Variants in SLMAP observed in about 807,000 individuals in gnomAD.
The protein encoded by SLMAP is sarcolemmal membrane-associated protein.
Under a neutral mutation model 128.8 loss-of-function variants are expected in SLMAP, and 44 were observed. The ratio of observed to expected loss-of-function variants is 0.34; its 90% CI spans 0.27 to 0.44. The LOEUF (loss-of-function observed/expected upper bound fraction) is 0.44. Among genes scored for constraint, SLMAP ranks in the 20% least tolerant of loss-of-function variants. The pLI is 1.00. For missense variants in SLMAP, 787 were observed against 985.3 expected (o/e 0.80, Z 2.69); for synonymous variants, 327 against 348.8 (o/e 0.94, Z 0.70).
At chr3:57,766,016 TGA>T in intron 2 of SLMAP, among the ~76,000 whole-genome samples, 1 of 150,486 alleles carries the variant, frequency 6.6e-6, no homozygotes, top group African/African-American at 2.4e-5. Flanking sequence ...TTTTTTTTTT[TGA>T]GACGGAGTCT....
At chr3:57,768,223 G>GT (rs1422144780) in intron 2 of SLMAP, among the ~76,000 whole-genome samples, 1 of 152,134 alleles carries the variant, frequency 6.6e-6, no homozygotes, top group African/African-American at 2.4e-5. Flanking sequence ...CTTTTGTCAA[G>GT]TATACAATTT....
At chr3:57,906,332 T>TTTTTTC (rs1491216777) in intron 17 of SLMAP, among the ~76,000 whole-genome samples, 1 of 136,954 alleles carries the variant, frequency 7.3e-6, no homozygotes, top group African/African-American at 2.7e-5. Flanking sequence ...TTTTTTTTTT[T>TTTTTTC]AGAGACACAG....
intron 2 of SLMAP, among the ~76,000 whole-genome samples, chr3:57,820,613 G>A (rs2092415095): frequency 1.3e-5 from 2 of 152,174 alleles, no homozygotes; most frequent in African/African-American, 2.4e-5. Context: ...TGCCTTGCAG[G>A]GTAATCTGGA....
chr3:57,756,598 C>G lies in SLMAP; in HGVS notation c.-1054C>G, dbSNP rs1199093462. On this transcript the variant is annotated 5_prime_UTR_variant, in exon 2 of 25. Coordinates refer to ENST00000671191, the MANE Select transcript of SLMAP (RefSeq NM_001377540.1). Reference sequence around the variant, plus strand: ...GCGCAGCTTGAGCTTGCCCCATCGGCCGCGATCGGTGGAGGCTGCGGCGGA... The same window carrying G: ...GCGCAGCTTGAGCTTGCCCCATCGGGCGCGATCGGTGGAGGCTGCGGCGGA... 1.3e-5 allele frequency: 2 copies of G among 152,396 alleles called. No individual in the cohort carries two copies. The highest frequency in any genetic ancestry group is 2.9e-5 in the Non-Finnish European group (2 of 68,176). The allele number at this position is 152,396 out of a possible 1,614,324, so 9.4% of individuals were successfully genotyped here.
chr3:57,793,765 C>T (rs991988434), intron 2 of SLMAP, among the ~76,000 whole-genome samples: 3 of 151,844 alleles, frequency 2.0e-5, no homozygotes, highest in South Asian at 2.1e-4. Flanking sequence ...GGTAAACCTT[C>T]GCTTATTTTT....
intron 2 of SLMAP, among the ~76,000 whole-genome samples, chr3:57,760,122 T>C (rs1404941263): frequency 1.3e-5 from 2 of 152,140 alleles, no homozygotes; most frequent in Non-Finnish European, 2.9e-5. Flanking sequence ...ATATTCTTCG[T>C]AGATACTGGG....
chr3:57,764,025 C>CTGG (rs1275792234), intron 2 of SLMAP, among the ~76,000 whole-genome samples: 1 of 152,232 alleles, frequency 6.6e-6, no homozygotes, highest in African/African-American at 2.4e-5. Flanking sequence ...TTTTCACACT[C>CTGG]TGGAAGACAG....
At chr3:57,884,018 A>G (rs369370227) in intron 14 of SLMAP, among the ~76,000 whole-genome samples, 4 of 148,924 alleles carry the variant, frequency 2.7e-5, no homozygotes, top group African/African-American at 9.9e-5. Context: ...TGCAGCCACA[A>G]CCTCGCAGGT....
chr3:57,904,057 A>AT (rs1038364606), intron 17 of SLMAP, among the ~76,000 whole-genome samples: 8 of 152,190 alleles, frequency 5.3e-5, no homozygotes, highest in Admixed American at 2.0e-4. Flanking sequence ...TAAGTCTTTG[A>AT]TTTTTTAAAA....
At chr3:57,773,418 A>G (rs1053615588) in intron 2 of SLMAP, among the ~76,000 whole-genome samples, 2 of 152,234 alleles carry the variant, frequency 1.3e-5, no homozygotes, top group Non-Finnish European at 2.9e-5. Flanking sequence ...AATTGGTAAA[A>G]TTGGTTTCTT....
chr3:57,909,248 A>G, intron 19 of SLMAP, 98 bp downstream of exon 19: 1 of 831,704 alleles, frequency 1.2e-6, no homozygotes, highest in Non-Finnish European at 1.9e-6. Flanking sequence ...CATGCCTGCA[A>G]TCCCAGCATT....
intron 8 of SLMAP, among the ~76,000 whole-genome samples, chr3:57,858,947 A>G (rs1236141006): frequency 6.6e-6 from 1 of 152,102 alleles, no homozygotes; most frequent in Admixed American, 6.5e-5. Context: ...TGTCTCAACA[A>G]CAACAACAAC....
intron 2 of SLMAP, among the ~76,000 whole-genome samples, chr3:57,766,907 T>C (rs2079851684): frequency 6.6e-6 from 1 of 152,142 alleles, no homozygotes; most frequent in Middle Eastern, 3.2e-3. Flanking sequence ...TTTATTTCTT[T>C]TTTTTAAATT....
chr3:57,916,827 G>C, intron 21 of SLMAP, 79 bp from the exon 22 acceptor site: 1 of 1,137,626 alleles, frequency 8.8e-7, no homozygotes, highest in Non-Finnish European at 1.3e-6. Flanking sequence ...CCCTTCTAGT[G>C]AAATGTATAA....
intron 13 of SLMAP, among the ~76,000 whole-genome samples, chr3:57,868,819 T>A (rs1196118718): frequency 6.5e-5 from 8 of 122,714 alleles, no homozygotes; most frequent in African/African-American, 2.7e-4. Flanking sequence ...TATATATATA[T>A]ATAAAATATA....
intron 17 of SLMAP, among the ~76,000 whole-genome samples, chr3:57,905,418 A>G (rs564535670): frequency 6.6e-6 from 1 of 151,980 alleles, no homozygotes; most frequent in Non-Finnish European, 1.5e-5. Flanking sequence ...AGTAGCTGGG[A>G]CTACAGGTGT....
At chr3:57,875,635 C>T (rs562636161) in intron 14 of SLMAP, among the ~76,000 whole-genome samples, 2 of 152,286 alleles carry the variant, frequency 1.3e-5, no homozygotes, top group East Asian at 3.9e-4. Flanking sequence ...AAGGAGAGGC[C>T]TACTATTGAA....
At chr3:57,865,835 A>G (rs778413197) in intron 13 of SLMAP, among the ~76,000 whole-genome samples, 10 of 152,148 alleles carry the variant, frequency 6.6e-5, no homozygotes, top group Non-Finnish European at 1.5e-5. Context: ...TGCCAAAAAC[A>G]TATAGCCACT....
chr3:57,926,200 T>C (rs2097005291), intron 24 of SLMAP: 1 of 426,600 alleles, frequency 2.3e-6, no homozygotes, highest in East Asian at 4.3e-5. Context: ...TAACTGAGTC[T>C]TTATCTCTAG....
Sources: gnomAD v4.1 joint callset for allele counts (sites outside exome capture counted in the v4.1 genomes callset) on GRCh38, gnomAD v4.1.1 for gene constraint, MANE v1.5 for transcripts, NCBI Gene and HGNC (gene_info 2026-07-23, HGNC 2026-07-21) for gene names.